RARB: variants seen among roughly 807,000 people sequenced by gnomAD.
RARB encodes the protein HBV-activated protein.
A neutral mutation model predicts 51.9 loss-of-function variants in RARB; 17 were observed. The ratio of observed to expected loss-of-function variants is 0.33; its 90% confidence interval spans 0.22 to 0.49. RARB has a LOEUF of 0.49. Among genes scored for constraint, RARB ranks in the 20% least tolerant of loss-of-function variants. RARB has a pLI of 0.99. For missense variants in RARB, 369 were observed against 550.8 expected (o/e 0.67, Z 3.30); for synonymous variants, 215 against 195.4 (o/e 1.10, Z -0.84).
intron 2 of RARB, among the ~76,000 whole-genome samples, chr3:24,919,553 T>C (rs1416674177): frequency 2.6e-5 from 4 of 152,210 alleles, no homozygotes; most frequent in South Asian, 2.1e-4. Context: ...TGTCCATGAA[T>C]GTTCTTTCAC....
intron 2 of RARB, among the ~76,000 whole-genome samples, chr3:25,472,311 G>A (rs561871202): frequency 1.3e-5 from 2 of 152,286 alleles, no homozygotes; most frequent in Admixed American, 6.5e-5. Context: ...AAGAGAGCGT[G>A]GGGGAGGCAG....
Position 24,902,176 on chromosome 3 carries a change from C to T in RARB, c.-380+43424C>T, listed in dbSNP as rs531361840. 9.8e-5 allele frequency among the ~76,000 whole-genome samples: 15 copies of T among 152,292 alleles called. No homozygotes were observed. The East Asian group carries it at 2.7e-3, about 27-fold the overall frequency. ...AAGTGGCTTGTCCACATTCCTACGT[C>T]TGAGAAGCAGCAGATCTAGAATTTG... On this transcript the variant is annotated intron_variant, in intron 2 of 11. Coordinates refer to the RARB transcript ENST00000383772.
chr3:25,007,853 C>A (rs1285522307), intron 2 of RARB, among the ~76,000 whole-genome samples: 1 of 151,826 alleles, frequency 6.6e-6, no homozygotes, highest in East Asian at 1.9e-4. Context: ...AGGTCTGGAC[C>A]TGGGGTCAGA....
chr3:25,215,495 G>A (rs1471260560), intron 5 of RARB, among the ~76,000 whole-genome samples: 2 of 152,102 alleles, frequency 1.3e-5, no homozygotes, highest in Non-Finnish European at 2.9e-5. Flanking sequence ...GAGAGAGTGA[G>A]CACTCTGGCG....
Position 24,990,337 on chromosome 3 carries a change from C to G in RARB, c.-379-69788C>G, listed in dbSNP as rs1161351207. On this transcript the variant is annotated intron_variant, in intron 2 of 11. Coordinates refer to the RARB transcript ENST00000383772. ...GCTATCCCTCCCCCCTCCCCCCACCCCACAACAGTCCCCAGAGTGTGATGT... is the reference window on the plus strand; with the variant it reads ...GCTATCCCTCCCCCCTCCCCCCACCGCACAACAGTCCCCAGAGTGTGATGT... 2.3e-4 allele frequency among the ~76,000 whole-genome samples: 9 copies of G among 39,166 alleles called. 2 individuals are homozygous for G. Among genetic ancestry groups the G allele is most frequent in the Non-Finnish European group, 3.8e-4 (9 of 23,878 alleles). 25.7% of individuals were successfully genotyped at this position (39,166 alleles called of 152,430 possible). A position where few individuals can be genotyped will look rare whatever the true frequency, so the allele number is the denominator to read the frequency against.
At chr3:25,158,256 CAT>C (rs2125344991) in intron 4 of RARB, among the ~76,000 whole-genome samples, 1 of 152,338 alleles carries the variant, frequency 6.6e-6, no homozygotes, top group African/African-American at 2.4e-5. Flanking sequence ...CACCTTATAT[CAT>C]ATAGAAAACC....
intron 2 of RARB, among the ~76,000 whole-genome samples, chr3:25,499,888 T>C (rs1697210972): frequency 6.6e-6 from 1 of 152,334 alleles, no homozygotes; most frequent in African/African-American, 2.4e-5. Flanking sequence ...TTATTGTTCA[T>C]CTGGTCAGAA....
chr3:25,461,731 TA>T (rs1695196663), intron 2 of RARB, among the ~76,000 whole-genome samples: 1 of 152,054 alleles, frequency 6.6e-6, no homozygotes, highest in Non-Finnish European at 1.5e-5. Flanking sequence ...TCATCTCTAC[TA>T]AAAATACAAA....
intron 4 of RARB, among the ~76,000 whole-genome samples, chr3:25,579,362 G>T (rs911796493): frequency 1.3e-5 from 2 of 152,152 alleles, no homozygotes; most frequent in Admixed American, 6.6e-5. Context: ...GTGCACCTGT[G>T]GTCAGTCCCC....
At chr3:25,433,992 T>C (rs1708314939) in intron 1 of RARB, among the ~76,000 whole-genome samples, 2 of 152,368 alleles carry the variant, frequency 1.3e-5, no homozygotes, top group South Asian at 2.1e-4. Flanking sequence ...TGACTTGCTC[T>C]TTCTCTGGCC....
intron 3 of RARB, among the ~76,000 whole-genome samples, chr3:25,562,425 T>A (rs1009849155): frequency 1.3e-5 from 2 of 152,194 alleles, no homozygotes; most frequent in Non-Finnish European, 2.9e-5. Flanking sequence ...TGGGTAGCTC[T>A]GTCACAAACA....
intron 3 of RARB, among the ~76,000 whole-genome samples, chr3:25,067,264 G>A (rs532458430): frequency 1.3e-5 from 2 of 152,286 alleles, no homozygotes; most frequent in South Asian, 2.1e-4. Context: ...ACGAAAGTGA[G>A]CATGGGACCC....
intron 3 of RARB, among the ~76,000 whole-genome samples, chr3:25,545,876 TTTGGGGAGA>T (rs1699597429): frequency 2.0e-5 from 3 of 151,918 alleles, no homozygotes; most frequent in African/African-American, 7.2e-5. Flanking sequence ...TTTGGGTGGG[TTTGGGGAGA>T]AAATAATAAA....
At chr3:25,002,748 C>CTGTG (rs67576318) in intron 2 of RARB, among the ~76,000 whole-genome samples, 7 of 150,354 alleles carry the variant, frequency 4.7e-5, no homozygotes, top group South Asian at 2.1e-4. Flanking sequence ...AAGACATATT[C>CTGTG]TGTGTGTGTG....
At chr3:25,026,195 G>C (rs935778006) in intron 2 of RARB, among the ~76,000 whole-genome samples, 1 of 152,180 alleles carries the variant, frequency 6.6e-6, no homozygotes, top group South Asian at 2.1e-4. Flanking sequence ...AAACCTAGAA[G>C]TCCAGGGCTT....
At chr3:25,301,530 G>A (rs947154237) in intron 5 of RARB, among the ~76,000 whole-genome samples, 7 of 152,188 alleles carry the variant, frequency 4.6e-5, no homozygotes, top group African/African-American at 1.4e-4. Flanking sequence ...GTGTTGTAGA[G>A]CATGGATATG....
chr3:25,167,806 C>G (rs1043229413), intron 4 of RARB, among the ~76,000 whole-genome samples: 3 of 152,124 alleles, frequency 2.0e-5, no homozygotes, highest in African/African-American at 7.2e-5. Flanking sequence ...CATAGTAAGT[C>G]CACCAGCAGC....
At chr3:24,891,388 C>T (rs1703375431) in intron 2 of RARB, among the ~76,000 whole-genome samples, 1 of 152,108 alleles carries the variant, frequency 6.6e-6, no homozygotes, top group African/African-American at 2.4e-5. Context: ...ACTTGGCTTC[C>T]TTGTGCTTCA....
intron 5 of RARB, among the ~76,000 whole-genome samples, chr3:25,389,278 TG>T (rs1290963024): frequency 6.6e-6 from 1 of 152,200 alleles, no homozygotes; most frequent in Non-Finnish European, 1.5e-5. Flanking sequence ...ATTATTCTGC[TG>T]CTTCTTTAGT....
Sources: gnomAD v4.1 joint callset for allele counts (sites outside exome capture counted in the v4.1 genomes callset) on GRCh38, gnomAD v4.1.1 for gene constraint, MANE v1.5 for transcripts, NCBI Gene and HGNC (gene_info 2026-07-23, HGNC 2026-07-21) for gene names.